The following LRMDA variants were observed in gnomAD, a reference collection of about 807,000 sequenced individuals.
LRMDA encodes the protein leucine rich melanocyte differentiation associated.
Under a neutral mutation model 29.8 loss-of-function variants are expected in LRMDA, and 18 were observed. The ratio of observed to expected loss-of-function variants is 0.60; its 90% CI spans 0.42 to 0.90. LRMDA has a LOEUF of 0.90. Ranked by LOEUF, LRMDA falls within the 40% of genes least tolerant of loss-of-function variation. The pLI is 0.00. For synonymous variants in LRMDA, 125 were observed against 109.4 expected, an observed-to-expected ratio of 1.14 and a Z score of -0.89; for missense variants, 273 against 273.9, an observed-to-expected ratio of 1.00 and a Z score of 0.02.
At chr10:76,475,077 A>C (rs2130794) in intron 6 of LRMDA, among the ~76,000 whole-genome samples, 104,030 of 151,448 alleles carry the variant, frequency 0.69, 37,291 homozygotes, top group Non-Finnish European at 0.81. Flanking sequence ...AAACCTTGAA[A>C]ACATTATGCT....
At chr10:75,578,852 G>A (rs529347302) in intron 2 of LRMDA, among the ~76,000 whole-genome samples, 1 of 141,034 alleles carries the variant, frequency 7.1e-6, no homozygotes, top group Admixed American at 7.1e-5. Flanking sequence ...AAAAAAAGAT[G>A]TTCTTTGAAA....
rs1420254311 is a variant in LRMDA, at chr10:75,945,322, G to T, written c.132-90686G>T. Among the ~76,000 whole-genome samples the T allele has an allele frequency of 2.0e-5, 3 of 152,180 alleles. No homozygotes were observed. In the East Asian group the frequency reaches 5.8e-4, roughly 29 times the overall value. ...CTTCCCAGCATATGTGCAGTTTAGG[G>T]TCATCTCAGGATTTAGTTGTAGGAT... On this transcript the variant is annotated intron_variant, in intron 2 of 6. Coordinates refer to ENST00000611255, the MANE Select transcript of LRMDA (RefSeq NM_001305581.2).
chr10:76,221,177 C>T (rs1161392563), intron 5 of LRMDA, among the ~76,000 whole-genome samples: 1 of 151,888 alleles, frequency 6.6e-6, no homozygotes, highest in Non-Finnish European at 1.5e-5. Context: ...ACTGAATGGG[C>T]AAAAACTGGA....
chr10:76,097,943 A>T (rs1849339964), intron 5 of LRMDA, among the ~76,000 whole-genome samples: 1 of 152,186 alleles, frequency 6.6e-6, no homozygotes, highest in Non-Finnish European at 1.5e-5. Context: ...CATATCTATT[A>T]TCTCACATAT....
chr10:76,311,964 G>A (rs1840634816), intron 5 of LRMDA, among the ~76,000 whole-genome samples: 1 of 152,134 alleles, frequency 6.6e-6, no homozygotes, highest in Non-Finnish European at 1.5e-5. Flanking sequence ...GTCCCTCATG[G>A]TGGTGCAGTA....
chr10:75,737,088 TGCACACACACACATGCACAC>T (rs1228545376), intron 2 of LRMDA, among the ~76,000 whole-genome samples: 2 of 151,654 alleles, frequency 1.3e-5, no homozygotes, highest in East Asian at 3.9e-4. Flanking sequence ...CGCACATGCA[TGCACACACACACATGCACAC>T]GCACGCACAC....
rs78642618 is a variant in LRMDA at position 76,065,834 on chromosome 10, G to A, written c.516+7051G>A. The stretch of plus-strand genomic sequence containing the variant: ...TGTAACTCCTTGACCAATGGGATGC[G>A]AGTGGAAGTGACAGCATGACAATTC... On this transcript the variant is annotated intron_variant, in intron 5 of 6. Transcript: ENST00000611255. 8.8e-3 allele frequency among the ~76,000 whole-genome samples: 1,342 copies of A among 152,316 alleles called. 11 individuals carry two copies. The highest frequency in any genetic ancestry group is 0.037 in the South Asian group (177 of 4,824).
At chr10:76,161,955 A>C (rs1307858341) in intron 5 of LRMDA, among the ~76,000 whole-genome samples, 1 of 152,230 alleles carries the variant, frequency 6.6e-6, no homozygotes, top group Non-Finnish European at 1.5e-5. Flanking sequence ...TAGGGTATAA[A>C]ATAATATTCT....
At chr10:75,923,204 T>A (rs539623677) in intron 2 of LRMDA, among the ~76,000 whole-genome samples, 1 of 152,344 alleles carries the variant, frequency 6.6e-6, no homozygotes, top group East Asian at 1.9e-4. Flanking sequence ...AAATACTGAC[T>A]GTATTGGAAA....
chr10:75,968,566 T>G (rs1392413927), intron 2 of LRMDA, among the ~76,000 whole-genome samples: 1 of 152,146 alleles, frequency 6.6e-6, no homozygotes, highest in Admixed American at 6.5e-5. Flanking sequence ...GCCGGATACT[T>G]TCTAAAAAAC....
intron 2 of LRMDA, among the ~76,000 whole-genome samples, chr10:75,722,463 A>G (rs1487782258): frequency 6.6e-6 from 1 of 152,174 alleles, no homozygotes; most frequent in East Asian, 1.9e-4. Flanking sequence ...TATGTTTATT[A>G]TTGCTTTTGG....
intron 6 of LRMDA, among the ~76,000 whole-genome samples, chr10:76,410,832 T>C (rs1208206478): frequency 6.6e-6 from 1 of 152,068 alleles, no homozygotes; most frequent in Non-Finnish European, 1.5e-5. Context: ...TGAGCGCCTG[T>C]AATCCCAGCA....
chr10:76,085,531 G>C (rs577258130), intron 5 of LRMDA, among the ~76,000 whole-genome samples: 15 of 152,266 alleles, frequency 9.9e-5, no homozygotes, highest in African/African-American at 3.6e-4. Context: ...CCTGGCTGGG[G>C]CTGGGGTGGA....
At chr10:75,806,686 G>T (rs561331341) in intron 2 of LRMDA, among the ~76,000 whole-genome samples, 1 of 145,930 alleles carries the variant, frequency 6.9e-6, no homozygotes, top group Non-Finnish European at 1.5e-5. Context: ...TAGAAATCCC[G>T]AGTACCCCTT....
intron 2 of LRMDA, among the ~76,000 whole-genome samples, chr10:75,682,544 TATATA>T (rs1170862974): frequency 1.3e-5 from 2 of 152,142 alleles, no homozygotes; most frequent in Non-Finnish European, 2.9e-5. Context: ...TATTATGTAT[TATATA>T]GTATATGTAC....
chr10:75,678,513 C>G (rs1316788493), intron 2 of LRMDA, among the ~76,000 whole-genome samples: 3 of 152,060 alleles, frequency 2.0e-5, no homozygotes, highest in Non-Finnish European at 4.4e-5. Context: ...AACAGATTTG[C>G]CTTTATTGGT....
chr10:75,661,524 G>C (rs1218860618), intron 2 of LRMDA, among the ~76,000 whole-genome samples: 1 of 152,202 alleles, frequency 6.6e-6, no homozygotes, highest in Non-Finnish European at 1.5e-5. Context: ...GTAGCAAGGA[G>C]CTAGTTGGTT....
At chr10:76,468,387 A>C (rs1842584914) in intron 6 of LRMDA, among the ~76,000 whole-genome samples, 1 of 152,214 alleles carries the variant, frequency 6.6e-6, no homozygotes, top group Non-Finnish European at 1.5e-5. Context: ...CTGGCTGGCA[A>C]GTTTTGAGGC....
At chr10:75,524,993 A>G (rs746063030) in intron 2 of LRMDA, among the ~76,000 whole-genome samples, 2 of 152,204 alleles carry the variant, frequency 1.3e-5, no homozygotes, top group Non-Finnish European at 2.9e-5. Context: ...TCTTTTAGGT[A>G]CAAGTGACCA....
Sources: gnomAD v4.1 joint callset for allele counts (sites outside exome capture counted in the v4.1 genomes callset) on GRCh38, gnomAD v4.1.1 for gene constraint, MANE v1.5 for transcripts, NCBI Gene and HGNC (gene_info 2026-07-23, HGNC 2026-07-21) for gene names.